COL4A4: variants seen among roughly 807,000 people sequenced by gnomAD.
The protein encoded by COL4A4 is collagen alpha-4(IV) chain.
COL4A4 carries 105 observed loss-of-function variants against 192.9 expected under a neutral mutation model. That is an observed-to-expected ratio of 0.54 (90% CI 0.46 to 0.64). The LOEUF is 0.64. Ranked by LOEUF, COL4A4 falls within the 30% of genes least tolerant of loss-of-function variation. The pLI is 0.00. For missense variants in COL4A4, 1,967 were observed against 2,169.3 expected (o/e 0.91, Z 1.85); for synonymous variants, 762 against 769.9 (o/e 0.99, Z 0.17).
chr2:227,018,923 G>A (rs1472544031), intron 44 of COL4A4, among the ~76,000 whole-genome samples: 2 of 152,212 alleles, frequency 1.3e-5, no homozygotes, highest in Non-Finnish European at 2.9e-5. Flanking sequence ...AGAGAATCTT[G>A]TTCTTGTTCA....
intron 7 of COL4A4, 94 bp from the exon 8 acceptor site, chr2:227,114,790 A>G: frequency 1.0e-6 from 1 of 979,032 alleles, no homozygotes. Context: ...ATCAGTTAAA[A>G]TTACCATTAT....
intron 21 of COL4A4, 83 bp downstream of exon 21, chr2:227,089,785 T>C (rs533328091): frequency 1.8e-6 from 2 of 1,109,686 alleles, no homozygotes; most frequent in African/African-American, 3.1e-5. Context: ...CTGAATGAAA[T>C]GCCACATTAC....
intron 1 of COL4A4, among the ~76,000 whole-genome samples, chr2:227,156,450 A>T (rs2064359251): frequency 6.6e-6 from 1 of 151,250 alleles, no homozygotes. Context: ...CAGGAAGCAG[A>T]TAAGACTTGA....
intron 22 of COL4A4, among the ~76,000 whole-genome samples, chr2:227,085,277 C>T (rs1429267415): frequency 6.6e-6 from 1 of 152,086 alleles, no homozygotes; most frequent in Non-Finnish European, 1.5e-5. Context: ...GGTGGGTAGG[C>T]ATGGGGGGAA....
At chr2:227,012,500 G>A (rs1483509557) in intron 44 of COL4A4, among the ~76,000 whole-genome samples, 1 of 151,890 alleles carries the variant, frequency 6.6e-6, no homozygotes, top group Admixed American at 6.6e-5. Context: ...CTGGGGCCCC[G>A]AGAGGTCAAA....
At chr2:226,995,834 CTG>C in the COL4A4 span, 1 of 326,362 alleles carries the variant, frequency 3.1e-6, no homozygotes, top group Non-Finnish European at 5.6e-6. Flanking sequence ...CTTTTGAAGA[CTG>C]TGACCTTCAC....
At chr2:227,052,630 G>A (rs1160884182) in intron 31 of COL4A4, among the ~76,000 whole-genome samples, 1 of 152,192 alleles carries the variant, frequency 6.6e-6, no homozygotes, top group Non-Finnish European at 1.5e-5. Context: ...AGAGTCTGGT[G>A]TGCCAGGAGT....
Position 227,103,167 on chromosome 2 carries a change from G to T in COL4A4, c.847C>A (p.Leu283Met), listed in dbSNP as rs2060622187. ...ACCTTGCGTCCTGGTGGTCCTGGCA[G>T]TCCAACCATTCCAGGAATTCCTTTT... is the stretch of plus-strand genomic sequence containing the variant. ...GIKGIPGMVG[L>M]PGPPGRKGES... The change falls in exon 14 of 48, where the codon CTG becomes ATG. Residue 283 changes from leucine to methionine, a missense_variant. Coordinates refer to ENST00000396625, the MANE Select transcript of COL4A4 (RefSeq NM_000092.5). 1 of 1,612,732 alleles carries T rather than the reference G, an allele frequency of 6.2e-7. No homozygotes were observed. The highest frequency in any genetic ancestry group is 1.1e-5 in the South Asian group (1 of 90,692).
intron 8 of COL4A4, among the ~76,000 whole-genome samples, chr2:227,113,561 G>A (rs1160050437): frequency 6.6e-6 from 1 of 151,740 alleles, no homozygotes; most frequent in Non-Finnish European, 1.5e-5. Context: ...TAACGAACAT[G>A]AGGCTGAGGA....
chr2:226,988,294 T>C, the COL4A4 span: 2 of 1,538,658 alleles, frequency 1.3e-6, no homozygotes, highest in Non-Finnish European at 1.8e-6. Flanking sequence ...TCTTCCCCTG[T>C]CCTTCCCTTC....
At chr2:227,019,110 T>C (rs1041677669) in intron 44 of COL4A4, among the ~76,000 whole-genome samples, 10 of 152,318 alleles carry the variant, frequency 6.6e-5, no homozygotes, top group Admixed American at 5.2e-4. Flanking sequence ...CTTGGCTGCC[T>C]GCTACAGTCA....
At chr2:227,023,019 C>T (rs1966320641) in intron 43 of COL4A4, among the ~76,000 whole-genome samples, 1 of 152,166 alleles carries the variant, frequency 6.6e-6, no homozygotes, top group Non-Finnish European at 1.5e-5. Flanking sequence ...CTGACTGTAG[C>T]ACATCAGAAT....
rs1253507267 is a variant in COL4A4, at chr2:227,123,007, G to T, written c.193-1859C>A. ...AGCCTCCCAAGTAGCTGGGATTACA[G>T]TTGCATGCCACCACACCTGGCTAAT... On this transcript the variant is annotated intron_variant, in intron 4 of 47. Coordinates refer to ENST00000396625, the MANE Select transcript of COL4A4 (RefSeq NM_000092.5). The surrounding 1 kb of genome is among the most constrained non-coding windows in gnomAD (Gnocchi z 4.6). 6.6e-6 allele frequency among the ~76,000 whole-genome samples: 1 copy of T among 152,128 alleles called. No individual in the cohort carries two copies. The highest frequency in any genetic ancestry group is 1.5e-5 in the Non-Finnish European group (1 of 68,022).
intron 37 of COL4A4, among the ~76,000 whole-genome samples, chr2:227,033,934 A>T (rs886271818): frequency 6.6e-6 from 1 of 152,192 alleles, no homozygotes; most frequent in Non-Finnish European, 1.5e-5. Context: ...CTACTCATGG[A>T]GATGCAGTCA....
chr2:227,099,152 C>T (rs921504832), intron 18 of COL4A4, among the ~76,000 whole-genome samples: 57 of 152,118 alleles, frequency 3.7e-4, no homozygotes, highest in African/African-American at 1.4e-3. Context: ...CTGCAACCTC[C>T]ACCTCCCAGG....
chr2:227,055,914 G>T, intron 30 of COL4A4, 31 bp downstream of exon 30: 1 of 1,596,094 alleles, frequency 6.3e-7, no homozygotes, highest in South Asian at 1.1e-5. Flanking sequence ...TTTCTAAGAT[G>T]GGAGGACATC....
the COL4A4 span, among the ~76,000 whole-genome samples, chr2:226,969,632 C>G: frequency 6.6e-6 from 1 of 152,082 alleles, no homozygotes; most frequent in Non-Finnish European, 1.5e-5. Context: ...GACTTCTTTC[C>G]TTTTCAGAAC....
At chr2:227,150,332 G>A (rs1280047039) in intron 1 of COL4A4, among the ~76,000 whole-genome samples, 1 of 152,046 alleles carries the variant, frequency 6.6e-6, no homozygotes, top group African/African-American at 2.4e-5. Flanking sequence ...TATTTTCATT[G>A]TGCAGGAAAA....
At chr2:227,162,402 A>T (rs1167662365) in intron 1 of COL4A4, among the ~76,000 whole-genome samples, 1 of 152,210 alleles carries the variant, frequency 6.6e-6, no homozygotes, top group African/African-American at 2.4e-5. Flanking sequence ...GTACTTTTTA[A>T]AATTAAATAC....
Sources: allele counts gnomAD v4.1 joint callset (sites outside exome capture counted in the v4.1 genomes callset), GRCh38; gene constraint gnomAD v4.1.1; non-coding constraint Gnocchi (gnomAD v3.1); transcripts MANE v1.5; gene names NCBI Gene and HGNC (gene_info 2026-07-23, HGNC 2026-07-21).